AKR1C8: variants seen among roughly 807,000 people sequenced by gnomAD.
AKR1C8 encodes the protein aldo-keto reductase family 1 member C-like protein 1.
chr10:5,158,638 A>C, the AKR1C8 span: 1 of 484,266 alleles, frequency 2.1e-6, no homozygotes. Flanking sequence ...CACTGTAGGC[A>C]ACTAGAACAA....
At chr10:5,152,569 T>C in the AKR1C8 span, among the ~76,000 whole-genome samples, 2 of 152,182 alleles carry the variant, frequency 1.3e-5, no homozygotes, top group Non-Finnish European at 2.9e-5. Context: ...ATCTGTGGAC[T>C]ACTTCAGACA....
the AKR1C8 span, among the ~76,000 whole-genome samples, chr10:5,117,299 A>G: frequency 6.6e-6 from 1 of 152,164 alleles, no homozygotes; most frequent in East Asian, 1.9e-4. Context: ...CTGCCCTCAG[A>G]TAACAAGACC....
At chr10:5,123,876 TAA>T in the AKR1C8 span, 1 of 1,524,274 alleles carries the variant, frequency 6.6e-7, no homozygotes, top group Non-Finnish European at 8.9e-7. Flanking sequence ...TATGTTAATA[TAA>T]AAAGATTACA....
chr10:5,172,236 T>C, the AKR1C8 span, among the ~76,000 whole-genome samples: 12 of 152,256 alleles, frequency 7.9e-5, no homozygotes, highest in South Asian at 2.1e-4. Flanking sequence ...AATTCTCTTT[T>C]ATAAAATTTT....
the AKR1C8 span, among the ~76,000 whole-genome samples, chr10:5,117,604 A>G: frequency 8.2e-4 from 125 of 152,032 alleles, no homozygotes; most frequent in Non-Finnish European, 1.6e-3. Flanking sequence ...TGAAGCTGAG[A>G]ATTTATAAAG....
chr10:5,142,566 A>G, the AKR1C8 span, among the ~76,000 whole-genome samples: 1 of 152,100 alleles, frequency 6.6e-6, no homozygotes, highest in African/African-American at 2.4e-5. Flanking sequence ...TAGGGTTACA[A>G]TTTGACCTAG....
chr10:5,177,590 C>A, the AKR1C8 span, among the ~76,000 whole-genome samples: 99 of 152,278 alleles, frequency 6.5e-4, 1 homozygote, highest in African/African-American at 2.3e-3. Flanking sequence ...TAGAATTCGG[C>A]TGTGAATCCA....
At chr10:5,139,714 G>T in the AKR1C8 span, among the ~76,000 whole-genome samples, 3 of 151,994 alleles carry the variant, frequency 2.0e-5, no homozygotes, top group African/African-American at 7.3e-5. Context: ...GAAAACCTAG[G>T]CAATACCATT....
At chr10:5,183,963 C>G in the AKR1C8 span, among the ~76,000 whole-genome samples, 8 of 152,120 alleles carry the variant, frequency 5.3e-5, no homozygotes, top group African/African-American at 1.9e-4. Flanking sequence ...GTCTCTTTTT[C>G]TTTTGTGGGC....
chr10:5,127,167 A>C, the AKR1C8 span, among the ~76,000 whole-genome samples: 1 of 152,186 alleles, frequency 6.6e-6, no homozygotes, highest in Non-Finnish European at 1.5e-5. Flanking sequence ...GTTCATTATT[A>C]AGCTACTCAA....
the AKR1C8 span, among the ~76,000 whole-genome samples, chr10:5,167,844 C>A: frequency 6.6e-6 from 1 of 151,910 alleles, no homozygotes; most frequent in African/African-American, 2.4e-5. Flanking sequence ...TAAAATGATA[C>A]GTGATGCTAG....
At chr10:5,175,824 GT>G in the AKR1C8 span, among the ~76,000 whole-genome samples, 38 of 80,750 alleles carry the variant, frequency 4.7e-4, no homozygotes, top group Admixed American at 3.9e-3. Context: ...TGATGGGGTT[GT>G]TTGTTTTTTT....
the AKR1C8 span, chr10:5,154,792 C>T: frequency 2.6e-5 from 4 of 152,250 alleles, no homozygotes; most frequent in African/African-American, 9.7e-5. Flanking sequence ...CTCTATTTAG[C>T]CTTCTCTCTC....
At chr10:5,167,877 T>G in the AKR1C8 span, among the ~76,000 whole-genome samples, 1 of 152,134 alleles carries the variant, frequency 6.6e-6, no homozygotes, top group African/African-American at 2.4e-5. Context: ...TCAGTTACAT[T>G]TATGTGTGTG....
the AKR1C8 span, among the ~76,000 whole-genome samples, chr10:5,184,436 T>C: frequency 2.6e-5 from 4 of 152,206 alleles, no homozygotes; most frequent in Non-Finnish European, 5.9e-5. Flanking sequence ...TCGCAGTGGC[T>C]TCTTATATAG....
At chr10:5,167,337 A>G in the AKR1C8 span, among the ~76,000 whole-genome samples, 1 of 152,340 alleles carries the variant, frequency 6.6e-6, no homozygotes, top group South Asian at 2.1e-4. Context: ...ATGCACACAT[A>G]TGTTTATTGC....
the AKR1C8 span, among the ~76,000 whole-genome samples, chr10:5,148,873 C>A: frequency 6.6e-6 from 1 of 151,566 alleles, no homozygotes; most frequent in Non-Finnish European, 1.5e-5. Flanking sequence ...TATGTCATAC[C>A]AGGAAGTCTA....
the AKR1C8 span, chr10:5,163,118 C>T: frequency 4.7e-6 from 2 of 421,256 alleles, no homozygotes; most frequent in African/African-American, 4.1e-5. Context: ...CTGCTGGCCG[C>T]CTCCTCCAAT....
chr10:5,137,094 C>A, the AKR1C8 span, among the ~76,000 whole-genome samples: 1 of 152,006 alleles, frequency 6.6e-6, no homozygotes, highest in African/African-American at 2.4e-5. Flanking sequence ...TTAATTTAAA[C>A]ATTTTTTGTT....
Sources: allele counts gnomAD v4.1 joint callset (sites outside exome capture counted in the v4.1 genomes callset), GRCh38; gene constraint gnomAD v4.1.1; transcripts MANE v1.5; gene names NCBI Gene and HGNC (gene_info 2026-07-23, HGNC 2026-07-21).